DCHS2: variants seen among roughly 807,000 people sequenced by gnomAD.
DCHS2 encodes the protein dachsous cadherin-related 2, also known as protocadherin-23.
Under a neutral mutation model 182.4 loss-of-function variants are expected in DCHS2, and 142 were observed. The ratio of observed to expected loss-of-function variants is 0.78; its 90% CI spans 0.68 to 0.89. DCHS2 has a LOEUF of 0.89. Ranked by LOEUF, DCHS2 falls within the 40% of genes least tolerant of loss-of-function variation. The probability of loss-of-function intolerance (pLI) is 0.00; values close to 1 mark genes in which losing one functional copy is unlikely to be tolerated. For missense variants in DCHS2, 4,319 were observed against 4,198.6 expected, an observed-to-expected ratio of 1.03 and a Z score of -0.79; for synonymous variants, 1,740 against 1,663.3, an observed-to-expected ratio of 1.05 and a Z score of -1.12.
At chr4:154,316,057 A>G (rs1735845777) in intron 9 of DCHS2, 70 bp from the exon 10 acceptor site, 9 of 1,574,390 alleles carry the variant, frequency 5.7e-6, no homozygotes, top group Non-Finnish European at 7.7e-6. Context: ...TACTCCACTT[A>G]TATCTAACTT....
intron 16 of DCHS2, among the ~76,000 whole-genome samples, chr4:154,247,962 G>T (rs1732161872): frequency 6.6e-6 from 1 of 152,144 alleles, no homozygotes; most frequent in Non-Finnish European, 1.5e-5. Flanking sequence ...CTTGCAATAG[G>T]TTTATTAACC....
chr4:154,465,947 G>C (rs1462304592), intron 1 of DCHS2, among the ~76,000 whole-genome samples: 1 of 152,134 alleles, frequency 6.6e-6, no homozygotes, highest in East Asian at 1.9e-4. Context: ...TAAAGCTTCA[G>C]ATATTAAAGC....
chr4:154,482,658 G>T (rs1466930719), intron 1 of DCHS2, among the ~76,000 whole-genome samples: 4 of 152,192 alleles, frequency 2.6e-5, no homozygotes, highest in Non-Finnish European at 1.5e-5. Context: ...AGAGGTAGAG[G>T]TAAAAGATAA....
In DCHS2 at chr4:154,320,795, T is replaced by C. The variant is rs531621334; in HGVS notation, c.4604A>G (p.Lys1535Arg). 7.1e-5 allele frequency: 115 copies of C among 1,614,130 alleles called. No individual in the cohort carries two copies. The South Asian group carries it at 1.2e-3, about 17-fold the overall frequency. The change falls in exon 9 of 20, where the codon AAA becomes AGA. Residue 1535 changes from lysine to arginine, a missense_variant. Lys to Arg is a conservative substitution (Grantham distance 26). Coordinates refer to ENST00000357232, the MANE Select transcript of DCHS2 (RefSeq NM_001358235.2). ...IGTLVYVFNA[K>R]DDDGSFLNSR... ...GTTCAAAAAACTGCCGTCATCATCT[T>C]TGGCATTGAAGACATACACCAGGGT...
intron 10 of DCHS2, among the ~76,000 whole-genome samples, chr4:154,315,495 T>G (rs1737281286): frequency 6.6e-6 from 1 of 152,176 alleles, no homozygotes; most frequent in African/African-American, 2.4e-5. Context: ...ATCAATAAAG[T>G]GTATGTTAAT....
At chr4:154,344,001 C>A (rs975502842) in intron 3 of DCHS2, among the ~76,000 whole-genome samples, 2 of 151,898 alleles carry the variant, frequency 1.3e-5, no homozygotes, top group Non-Finnish European at 2.9e-5. Context: ...TATTAACTGC[C>A]AAATTTCAAC....
intron 1 of DCHS2, among the ~76,000 whole-genome samples, chr4:154,468,320 A>G (rs1560776736): frequency 6.6e-6 from 1 of 152,142 alleles, no homozygotes; most frequent in Non-Finnish European, 1.5e-5. Context: ...ATCATATATG[A>G]TTACACATAG....
chr4:154,488,898 GT>G (rs1728683405), intron 1 of DCHS2, among the ~76,000 whole-genome samples: 3 of 13,942 alleles, frequency 2.2e-4, no homozygotes, highest in Non-Finnish European at 8.9e-4. Context: ...GTGTGTGTGT[GT>G]GTCTGTGTGT....
chr4:154,432,761 A>G (rs1032760655), intron 1 of DCHS2, among the ~76,000 whole-genome samples: 1 of 152,160 alleles, frequency 6.6e-6, no homozygotes. Context: ...CTAATCTTGC[A>G]TGGACCACAG....
At chr4:154,469,894 A>AGCC (rs1279506616) in intron 1 of DCHS2, among the ~76,000 whole-genome samples, 1 of 152,172 alleles carries the variant, frequency 6.6e-6, no homozygotes, top group Non-Finnish European at 1.5e-5. Flanking sequence ...GCCACTCTTG[A>AGCC]GCCCATCCTG....
intron 3 of DCHS2, among the ~76,000 whole-genome samples, chr4:154,347,023 G>A (rs923370480): frequency 2.0e-5 from 3 of 151,518 alleles, no homozygotes; most frequent in Admixed American, 6.6e-5. Flanking sequence ...TAATCAATGT[G>A]ATATATTCAG....
At chr4:154,387,614 C>T (rs565337736) in intron 1 of DCHS2, among the ~76,000 whole-genome samples, 1 of 152,074 alleles carries the variant, frequency 6.6e-6, no homozygotes, top group South Asian at 2.1e-4. Flanking sequence ...TTGGCTGATC[C>T]TTACATTGAA....
At chr4:154,349,644 T>C (rs891350583) in intron 3 of DCHS2, among the ~76,000 whole-genome samples, 4 of 152,204 alleles carry the variant, frequency 2.6e-5, no homozygotes, top group African/African-American at 7.2e-5. Flanking sequence ...TTTGTTTCTA[T>C]TATTACTATC....
intron 6 of DCHS2, 50 bp from the exon 7 acceptor site, chr4:154,328,242 G>T: frequency 7.4e-7 from 1 of 1,355,040 alleles, no homozygotes; most frequent in South Asian, 1.3e-5. Flanking sequence ...AGTTTAAAAA[G>T]AAATATCAGT....
At chr4:154,420,128 C>A (rs1451712885) in intron 1 of DCHS2, among the ~76,000 whole-genome samples, 1 of 151,764 alleles carries the variant, frequency 6.6e-6, no homozygotes, top group East Asian at 1.9e-4. Context: ...ACAGGGCAGA[C>A]TTGACATATA....
rs1280086724 is a variant in DCHS2 at position 154,235,367 on chromosome 4, A to C, written c.9285T>G (p.Cys3095Trp). The change falls in exon 20 of 20, where the codon TGT becomes TGG. Residue 3095 changes from cysteine (C) to tryptophan (W), a missense_variant. Coordinates refer to ENST00000357232, the MANE Select transcript of DCHS2 (RefSeq NM_001358235.2). ...CTTCTGCAGTTTCTCCTTCCACAGA[A>C]CAGTGGCCACTGGAGTTTGAGTGTC... ...LYRHSNSSGH[C>W]SVEGETAEDK... 1.2e-6 allele frequency: 2 copies of C among 1,614,008 alleles called. No homozygotes were observed. The highest frequency in any genetic ancestry group is 2.2e-5 in the South Asian group (2 of 91,078).
At chr4:154,361,671 C>T (rs568625529) in intron 3 of DCHS2, among the ~76,000 whole-genome samples, 1 of 152,022 alleles carries the variant, frequency 6.6e-6, no homozygotes, top group Non-Finnish European at 1.5e-5. Flanking sequence ...GTTCTTTGAA[C>T]CAGCAACAAA....
chr4:154,312,511 T>C (rs1735705893), intron 10 of DCHS2, among the ~76,000 whole-genome samples: 1 of 152,198 alleles, frequency 6.6e-6, no homozygotes, highest in South Asian at 2.1e-4. Flanking sequence ...ATTGGGCCAC[T>C]GCCCTCCAGC....
chr4:154,480,141 A>T (rs1285282808), intron 1 of DCHS2, among the ~76,000 whole-genome samples: 1 of 152,202 alleles, frequency 6.6e-6, no homozygotes, highest in Admixed American at 6.5e-5. Flanking sequence ...CTCTAAATAA[A>T]CATTAACTTC....
Sources: gnomAD v4.1 joint callset for allele counts (sites outside exome capture counted in the v4.1 genomes callset) on GRCh38, gnomAD v4.1.1 for gene constraint, MANE v1.5 for transcripts, NCBI Gene and HGNC (gene_info 2026-07-23, HGNC 2026-07-21) for gene names.